TUT7: variants seen among roughly 807,000 people sequenced by gnomAD.
TUT7 encodes the protein terminal uridylyltransferase 7.
In TUT7, 33 loss-of-function variants were observed where a neutral mutation model predicts 165.9. That is an observed-to-expected ratio of 0.20 (90% CI 0.15 to 0.27). The LOEUF is 0.27. TUT7 is among the 10% of genes least tolerant of loss of function. TUT7 has a pLI of 1.00. For missense variants in TUT7, 1,338 were observed against 1,762.3 expected (o/e 0.76, Z 4.31); for synonymous variants, 552 against 608.1 (o/e 0.91, Z 1.36).
intron 10 of TUT7, among the ~76,000 whole-genome samples, chr9:86,334,332 G>A (rs2131522914): frequency 6.6e-6 from 1 of 152,276 alleles, no homozygotes; most frequent in Non-Finnish European, 1.5e-5. Context: ...AGCTTAGTGG[G>A]ATTCCTGGAG....
Position 86,345,655 on chromosome 9 carries a change from T to C in TUT7, c.819+14A>G, listed in dbSNP as rs762144559. The C allele has an allele frequency of 1.3e-6, 2 of 1,572,216 alleles. No homozygotes were observed. Among genetic ancestry groups the C allele is most frequent in the Non-Finnish European group, 8.7e-7 (1 of 1,143,568 alleles). ...AACAAGTAAGCAGACTTGTTTGGGT[T>C]ACATTCAATTTACCTTAATGTTTTT... On this transcript the variant is annotated intron_variant, in intron 4 of 26. Transcript: ENST00000375963.
At position 86,352,649 on chromosome 9, in the gene TUT7, G is replaced by A. The variant is rs1472546818; in HGVS notation, c.520+31C>T. On this transcript the variant is annotated intron_variant, in intron 2 of 26. Coordinates refer to ENST00000375963, the MANE Select transcript of TUT7 (RefSeq NM_024617.4). ...AAGAATAAAACATTGCTGACTCTGG[G>A]GTTGTGATCTGACAAGTTGGAAAAC... 5.0e-6 allele frequency: 8 copies of A among 1,612,372 alleles called. No individual in the cohort carries two copies. In the African/African-American group the frequency reaches 8.0e-5, roughly 16 times the overall value.
chr9:86,349,187 G>A (rs1266922016), intron 2 of TUT7, among the ~76,000 whole-genome samples: 1 of 151,804 alleles, frequency 6.6e-6, no homozygotes, highest in African/African-American at 2.4e-5. Flanking sequence ...GCTGAGGCAG[G>A]AGAATTGCTT....
Position 86,311,574 on chromosome 9 carries a change from CTCCCTCTCCCCTCT to C in TUT7, c.3275-779_3275-766del, listed in dbSNP as rs1431934039. 7.6e-6 allele frequency among the ~76,000 whole-genome samples: 1 copy of C among 131,164 alleles called. No individual in the cohort carries two copies. Among genetic ancestry groups the C allele is most frequent in the East Asian group, 2.4e-4 (1 of 4,220 alleles). 86.0% of individuals were successfully genotyped at this position (131,164 alleles called of 152,430 possible). ...AAGAATTATCCTTAGTCCTCTCCCT[CTCCCTCTCCCCTCT>C]TCCCTCTCCCCTCTCCCCACGGTCT... On this transcript the variant is annotated intron_variant, in intron 17 of 26. Coordinates refer to ENST00000375963, the MANE Select transcript of TUT7 (RefSeq NM_024617.4). This position sits in a 1 kb window ranked among gnomAD's most constrained non-coding sequence, Gnocchi z 4.4.
Position 86,346,491 on chromosome 9 carries a change from G to A in TUT7, c.521-11C>T, listed in dbSNP as rs895972805. ...TCTGCTTCTTGTTTTCTTAAGGTGG[G>A]GGAAAAATATTATTGGCAATATTAA... is the stretch of plus-strand genomic sequence containing the variant. On this transcript the variant is annotated splice_polypyrimidine_tract_variant and intron_variant, in intron 2 of 26. Coordinates refer to ENST00000375963, the MANE Select transcript of TUT7 (RefSeq NM_024617.4). The A allele has an allele frequency of 1.2e-6, 2 of 1,608,358 alleles. No individual in the cohort carries two copies. The highest frequency in any genetic ancestry group is 1.7e-6 in the Non-Finnish European group (2 of 1,177,940).
chr9:86,320,295 C>G (rs1266819014), intron 14 of TUT7, among the ~76,000 whole-genome samples: 2 of 144,764 alleles, frequency 1.4e-5, no homozygotes, highest in Admixed American at 1.4e-4. Flanking sequence ...GAACACGTGT[C>G]TTCTGACACG....
intron 14 of TUT7, among the ~76,000 whole-genome samples, chr9:86,320,575 A>C (rs1245505279): frequency 6.6e-6 from 1 of 152,198 alleles, no homozygotes; most frequent in East Asian, 1.9e-4. Context: ...CTAAGAGAGA[A>C]GGGAGTGTGT....
At position 86,311,902 on chromosome 9, in the gene TUT7, G is replaced by A. The variant is rs557407168; in HGVS notation, c.3275-1093C>T. Reference sequence around the variant, plus strand: ...CTCCGGAGGTGCCGGGATTGCAGACGGAGTCTCGTTCACTCAGTGCTCAAT... The same window carrying A: ...CTCCGGAGGTGCCGGGATTGCAGACAGAGTCTCGTTCACTCAGTGCTCAAT... On this transcript the variant is annotated intron_variant, in intron 17 of 26. Transcript: ENST00000375963. This position sits in a 1 kb window ranked among gnomAD's most constrained non-coding sequence, Gnocchi z 4.4. Among the ~76,000 whole-genome samples the A allele has an allele frequency of 6.6e-6, 1 of 152,328 alleles. No homozygotes were observed. The highest frequency in any genetic ancestry group is 2.1e-4 in the South Asian group (1 of 4,834).
intron 10 of TUT7, among the ~76,000 whole-genome samples, chr9:86,333,725 C>A (rs1275262210): frequency 6.6e-6 from 1 of 152,202 alleles, no homozygotes; most frequent in Non-Finnish European, 1.5e-5. Flanking sequence ...AGTTCTGACA[C>A]ATGCTCTGTC....
chr9:86,313,617 A>T (rs1485163366), intron 17 of TUT7, among the ~76,000 whole-genome samples: 6 of 152,168 alleles, frequency 3.9e-5, no homozygotes, highest in African/African-American at 7.2e-5. Flanking sequence ...AATCTAGGTA[A>T]GATTGACTCC....
chr9:86,297,684 G>T (rs942988444), intron 26 of TUT7, among the ~76,000 whole-genome samples: 1 of 151,948 alleles, frequency 6.6e-6, no homozygotes, highest in Admixed American at 6.6e-5. Context: ...GGCTGAGATG[G>T]CTTGGTTTCT....
intron 17 of TUT7, among the ~76,000 whole-genome samples, chr9:86,313,126 T>A (rs1056908553): frequency 7.0e-6 from 1 of 142,550 alleles, no homozygotes; most frequent in African/African-American, 2.6e-5. Context: ...GAATGATCAA[T>A]AATAAATAAA....
At chr9:86,312,350 C>A (rs553676797) in intron 17 of TUT7, among the ~76,000 whole-genome samples, 114 of 151,670 alleles carry the variant, frequency 7.5e-4, no homozygotes, top group African/African-American at 1.4e-3. Flanking sequence ...CTGGCAACCG[C>A]CCAGTCTGAG....
intron 2 of TUT7, among the ~76,000 whole-genome samples, chr9:86,347,830 C>G (rs1831907457): frequency 1.3e-5 from 2 of 152,108 alleles, no homozygotes; most frequent in Admixed American, 1.3e-4. Flanking sequence ...TCCCCCGACT[C>G]CCAATTAAAT....
chr9:86,328,234 A>T, intron 11 of TUT7, 106 bp downstream of exon 11: 1 of 1,177,100 alleles, frequency 8.5e-7, no homozygotes, highest in Non-Finnish European at 1.1e-6. Flanking sequence ...CAAATGAAAG[A>T]GCCACGAAAT....
intron 2 of TUT7, among the ~76,000 whole-genome samples, chr9:86,350,858 C>T (rs778452395): frequency 4.6e-5 from 7 of 152,106 alleles, no homozygotes; most frequent in East Asian, 1.9e-4. Context: ...GAGGGCCAGG[C>T]GCGGTAGTTC....
chr9:86,348,004 T>C (rs191771479), intron 2 of TUT7, among the ~76,000 whole-genome samples: 63 of 152,308 alleles, frequency 4.1e-4, no homozygotes, highest in Non-Finnish European at 7.4e-5. Context: ...ACAGGTTTCT[T>C]AGGCAAAAAC....
intron 10 of TUT7, 193 bp downstream of exon 10, chr9:86,337,226 G>A (rs1166150169): frequency 1.6e-6 from 1 of 623,378 alleles, no homozygotes; most frequent in African/African-American, 1.9e-5. Flanking sequence ...TCCCTAAGCA[G>A]GTTATAGGGC....
At position 86,352,746 on chromosome 9, in the gene TUT7, T is replaced by G; in HGVS notation, c.454A>C (p.Arg152=). Reference sequence around the variant, plus strand: ...GTTAGGTCTTTATGAAACAGTCGTCTTACAGTTCTGCAGCCTCTTGTGTCT... The same window carrying G: ...GTTAGGTCTTTATGAAACAGTCGTCGTACAGTTCTGCAGCCTCTTGTGTCT... ...WQDTRGCRTV[R]RLFHKDLTSL... The change falls in exon 2 of 27, where the codon AGA becomes CGA. Residue 152 remains arginine (R), a synonymous_variant. Transcript: ENST00000375963. 3 of 1,614,234 alleles carry G rather than the reference T, an allele frequency of 1.9e-6. No individual in the cohort carries two copies. Among genetic ancestry groups the G allele is most frequent in the South Asian group, 2.2e-5 (2 of 91,084 alleles).
Sources: allele counts gnomAD v4.1 joint callset (sites outside exome capture counted in the v4.1 genomes callset), GRCh38; gene constraint gnomAD v4.1.1; non-coding constraint Gnocchi (gnomAD v3.1); transcripts MANE v1.5; gene names NCBI Gene and HGNC (gene_info 2026-07-23, HGNC 2026-07-21).